Variants in KCNQ1 observed in about 807,000 individuals in gnomAD.
The protein encoded by KCNQ1 is potassium voltage-gated channel subfamily Q member 1.
A neutral mutation model predicts 72.4 loss-of-function variants in KCNQ1; 49 were observed. That is an observed-to-expected ratio of 0.68 (90% CI 0.54 to 0.86). KCNQ1 has a LOEUF of 0.86. Among genes scored for constraint, KCNQ1 ranks in the 40% least tolerant of loss-of-function variants. The pLI is 0.00. For synonymous variants in KCNQ1, 450 were observed against 412.6 expected (o/e 1.09, Z -1.10); for missense variants, 790 against 945.1 (o/e 0.84, Z 2.15).
Position 2,566,906 on chromosome 11 carries a change from A to G in KCNQ1, c.478-3722A>G, listed in dbSNP as rs956386726. On this transcript the variant is annotated intron_variant, in intron 2 of 15. Transcript: ENST00000155840. This position sits in a 1 kb window ranked among gnomAD's most constrained non-coding sequence, Gnocchi z 6.7. ...TACCCCGGTTCTGTACCTGTAGTGG[A>G]TGGGGCTCTCAGAGGGATTGGGGGT... Among the ~76,000 whole-genome samples the G allele has an allele frequency of 4.6e-5, 6 of 131,508 alleles. No individual in the cohort carries two copies. The highest frequency in any genetic ancestry group is 1.7e-4 in the African/African-American group (6 of 34,620). 86.3% of individuals were successfully genotyped at this position (131,508 alleles called of 152,430 possible).
At chr11:2,576,260 C>G (rs1010448398) in intron 6 of KCNQ1, among the ~76,000 whole-genome samples, 1 of 152,178 alleles carries the variant, frequency 6.6e-6, no homozygotes, top group Non-Finnish European at 1.5e-5. Flanking sequence ...GCGAAGGCGC[C>G]GGCTCAGTGG....
At chr11:2,688,522 C>A in intron 11 of KCNQ1, 1 of 398,716 alleles carries the variant, frequency 2.5e-6, no homozygotes. Flanking sequence ...AGAGGTCACA[C>A]AGCCAGGCCA....
chr11:2,681,477 G>C (rs1850396050), intron 11 of KCNQ1: 1 of 398,580 alleles, frequency 2.5e-6, no homozygotes, highest in African/African-American at 2.1e-5. Context: ...AGGCTCCCTA[G>C]ATGAGAAATG....
intron 5 of KCNQ1, 106 bp from the exon 6 acceptor site, chr11:2,572,740 G>A (rs1848356764): frequency 6.8e-7 from 1 of 1,462,676 alleles, no homozygotes; most frequent in African/African-American, 1.4e-5. Context: ...CGCTGGAGCG[G>A]CGTAGGACGC....
rs1440607567 is a variant in KCNQ1, at chr11:2,544,772, C to CT, written c.477+16761dup. ...TCTGAACATAGAGACAGTTTTACCT[C>CT]TTTTTTTCAAATGTGGACGCCTATT... On this transcript the variant is annotated intron_variant, in intron 2 of 15. Coordinates refer to ENST00000155840, the MANE Select transcript of KCNQ1 (RefSeq NM_000218.3). The surrounding 1 kb of genome is among the most constrained non-coding windows in gnomAD (Gnocchi z 4.4). 6.6e-6 allele frequency among the ~76,000 whole-genome samples: 1 copy of CT among 152,144 alleles called. No homozygotes were observed. Among genetic ancestry groups the CT allele is most frequent in the Non-Finnish European group, 1.5e-5 (1 of 68,024 alleles).
intron 10 of KCNQ1, chr11:2,644,973 A>C: frequency 2.5e-6 from 1 of 398,590 alleles, no homozygotes; most frequent in Admixed American, 4.4e-5. Context: ...CTTGGGCCCA[A>C]TGGTAGTGTA....
rs1179700636 is a variant in KCNQ1, at chr11:2,492,806, G to A, written c.387-35122G>A. 6.6e-6 allele frequency among the ~76,000 whole-genome samples: 1 copy of A among 152,164 alleles called. No individual in the cohort carries two copies. The highest frequency in any genetic ancestry group is 1.5e-5 in the Non-Finnish European group (1 of 68,020). On this transcript the variant is annotated intron_variant, in intron 1 of 15. Transcript: ENST00000155840. The surrounding 1 kb of genome is among the most constrained non-coding windows in gnomAD (Gnocchi z 4.1). ...CTTTGCTATTGTAAATAGTGGTGCA[G>A]TAAACATATGTGTGCATGTGTCTTT...
At chr11:2,802,872 G>A (rs1847296160) in intron 15 of KCNQ1, among the ~76,000 whole-genome samples, 1 of 152,204 alleles carries the variant, frequency 6.6e-6, no homozygotes, top group African/African-American at 2.4e-5. Context: ...CCCACTCAGA[G>A]TCCAGAAGCC....
At position 2,659,479 on chromosome 11, in the gene KCNQ1, A is replaced by G; in HGVS notation, c.1394-2482A>G. ...CTGGGTGGTATTCCATTGCATGAAT[A>G]TATACATTTTGTTTATGCATTCACC... On this transcript the variant is annotated intron_variant, in intron 10 of 15. Transcript: ENST00000155840. The surrounding 1 kb of genome is among the most constrained non-coding windows in gnomAD (Gnocchi z 4.3). 5.0e-6 allele frequency: 2 copies of G among 398,560 alleles called. No individual in the cohort carries two copies. Among genetic ancestry groups the G allele is most frequent in the South Asian group, 1.3e-4 (1 of 7,860 alleles). 24.7% of individuals were successfully genotyped at this position (398,560 alleles called of 1,614,324 possible).
At chr11:2,700,512 G>A (rs1850788143) in intron 11 of KCNQ1, among the ~76,000 whole-genome samples, 3 of 152,026 alleles carry the variant, frequency 2.0e-5, no homozygotes, top group South Asian at 2.1e-4. Flanking sequence ...CCTCGAACCC[G>A]GGCAAGGTCT....
chr11:2,612,712 C>G lies in KCNQ1; in HGVS notation c.1393+23858C>G. ...AGTTATAATACTTACTTTGAAATCGCGCCCTAACATTTGGGGCCCTTCAGA... is the reference window on the plus strand; with the variant it reads ...AGTTATAATACTTACTTTGAAATCGGGCCCTAACATTTGGGGCCCTTCAGA... On this transcript the variant is annotated intron_variant, in intron 10 of 15. Coordinates refer to ENST00000155840, the MANE Select transcript of KCNQ1 (RefSeq NM_000218.3). This position sits in a 1 kb window ranked among gnomAD's most constrained non-coding sequence, Gnocchi z 5.5. 2.5e-6 allele frequency: 1 copy of G among 398,524 alleles called. No individual in the cohort carries two copies. The allele number at this position is 398,524 out of a possible 1,614,324, so 24.7% of individuals were successfully genotyped here. A position where few individuals can be genotyped will look rare whatever the true frequency, so the allele number is the denominator to read the frequency against.
At position 2,678,145 on chromosome 11, in the gene KCNQ1, G is replaced by T. The variant is rs1320408017; in HGVS notation, c.1514+16064G>T. The T allele has an allele frequency of 2.5e-6, 1 of 397,912 alleles. No homozygotes were observed. 24.6% of individuals were successfully genotyped at this position (397,912 alleles called of 1,614,324 possible). A position where few individuals can be genotyped will look rare whatever the true frequency, so the allele number is the denominator to read the frequency against. On this transcript the variant is annotated intron_variant, in intron 11 of 15. Coordinates refer to ENST00000155840, the MANE Select transcript of KCNQ1 (RefSeq NM_000218.3). This position sits in a 1 kb window ranked among gnomAD's most constrained non-coding sequence, Gnocchi z 4.9. Reference sequence around the variant, plus strand: ...AAATATTTTATCCTCATTTTCCTTAGGTGTTTTGGCTTTTTCTATAATATT... The same window carrying T: ...AAATATTTTATCCTCATTTTCCTTATGTGTTTTGGCTTTTTCTATAATATT...
chr11:2,809,880 G>A lies in KCNQ1; in HGVS notation c.1794+31843G>A, dbSNP rs1847453288. On this transcript the variant is annotated intron_variant, in intron 15 of 15. Coordinates refer to ENST00000155840, the MANE Select transcript of KCNQ1 (RefSeq NM_000218.3). This position sits in a 1 kb window ranked among gnomAD's most constrained non-coding sequence, Gnocchi z 7.1. ...ACCTTTTTTCTGGCCATCCTAGATT[G>A]GGTTTACTGTTCCCTGGTACTCAGA... 6.6e-6 allele frequency among the ~76,000 whole-genome samples: 1 copy of A among 151,956 alleles called. No individual in the cohort carries two copies. Among genetic ancestry groups the A allele is most frequent in the South Asian group, 2.1e-4 (1 of 4,814 alleles).
chr11:2,656,649 T>C, intron 10 of KCNQ1: 1 of 398,610 alleles, frequency 2.5e-6, no homozygotes, highest in East Asian at 3.6e-5. Flanking sequence ...TATTGATTTG[T>C]AGGAGTCCTT....
Position 2,769,467 on chromosome 11 carries a change from G to T in KCNQ1, c.1590+548G>T, listed in dbSNP as rs1446850938. Reference sequence around the variant, plus strand: ...TTGGCCAGGTGAGGCTGGAGCTCCAGGGCTTCCATAAGCTGCCCTAACTTC... The same window carrying T: ...TTGGCCAGGTGAGGCTGGAGCTCCATGGCTTCCATAAGCTGCCCTAACTTC... On this transcript the variant is annotated intron_variant, in intron 12 of 15. Coordinates refer to ENST00000155840, the MANE Select transcript of KCNQ1 (RefSeq NM_000218.3). This position sits in a 1 kb window ranked among gnomAD's most constrained non-coding sequence, Gnocchi z 4.6. 1.3e-5 allele frequency among the ~76,000 whole-genome samples: 2 copies of T among 152,156 alleles called. No homozygotes were observed. Among genetic ancestry groups the T allele is most frequent in the Non-Finnish European group, 1.5e-5 (1 of 68,020 alleles).
chr11:2,593,039 G>C lies in KCNQ1; in HGVS notation c.1393+4185G>C, dbSNP rs1423699284. On this transcript the variant is annotated intron_variant, in intron 10 of 15. Transcript: ENST00000155840. The surrounding 1 kb of genome is among the most constrained non-coding windows in gnomAD (Gnocchi z 6.9). ...TCCACTCCAGTTGTCTCCACAGCCA[G>C]GTCACCATTGACCAGGTTGTCCAGT... is the stretch of plus-strand genomic sequence containing the variant. Among the ~76,000 whole-genome samples, 1 of 152,214 alleles carries C rather than the reference G, an allele frequency of 6.6e-6. No individual in the cohort carries two copies. The highest frequency in any genetic ancestry group is 2.4e-5 in the African/African-American group (1 of 41,454).
intron 15 of KCNQ1, among the ~76,000 whole-genome samples, chr11:2,805,364 A>C (rs1028330320): frequency 6.6e-6 from 1 of 152,202 alleles, no homozygotes; most frequent in African/African-American, 2.4e-5. Context: ...GAGAGGGACG[A>C]CATTTTGCAA....
intron 15 of KCNQ1, among the ~76,000 whole-genome samples, chr11:2,802,648 C>G (rs1017614547): frequency 1.3e-5 from 2 of 152,188 alleles, no homozygotes; most frequent in Non-Finnish European, 2.9e-5. Context: ...AGAGGCCCAG[C>G]AGATGCTCAT....
At chr11:2,833,258 G>A (rs749421985) in intron 15 of KCNQ1, among the ~76,000 whole-genome samples, 1 of 152,174 alleles carries the variant, frequency 6.6e-6, no homozygotes, top group Non-Finnish European at 1.5e-5. Context: ...CTTCCCTGAG[G>A]GACGGGAGGC....
Sources: allele counts gnomAD v4.1 joint callset (sites outside exome capture counted in the v4.1 genomes callset), GRCh38; gene constraint gnomAD v4.1.1; non-coding constraint Gnocchi (gnomAD v3.1); transcripts MANE v1.5; gene names NCBI Gene and HGNC (gene_info 2026-07-23, HGNC 2026-07-21).